Variants in BMPR2 observed in about 807,000 individuals in gnomAD.
BMPR2 encodes bone morphogenetic protein receptor type-2.
Under a neutral mutation model 100.8 loss-of-function variants are expected in BMPR2, and 29 were observed. That is an observed-to-expected ratio of 0.29 (90% CI 0.21 to 0.39). The LOEUF (loss-of-function observed/expected upper bound fraction) is 0.39, where lower values mean the gene tolerates loss of function less well. Among genes scored for constraint, BMPR2 ranks in the 10% least tolerant of loss-of-function variants. The pLI is 1.00. For missense variants in BMPR2, 1,011 were observed against 1,274.5 expected (o/e 0.79, Z 3.15); for synonymous variants, 382 against 442.3 (o/e 0.86, Z 1.71).
intron 1 of BMPR2, among the ~76,000 whole-genome samples, chr2:202,460,211 T>G (rs1692199755): frequency 6.6e-6 from 1 of 152,212 alleles, no homozygotes; most frequent in Non-Finnish European, 1.5e-5. Context: ...GTATGTTTGT[T>G]GCAGCACTGT....
intron 1 of BMPR2, among the ~76,000 whole-genome samples, chr2:202,392,906 T>C (rs1690578322): frequency 6.7e-6 from 1 of 150,168 alleles, no homozygotes; most frequent in African/African-American, 2.5e-5. Flanking sequence ...GCAGGAGAAT[T>C]GCATGAACCC....
At chr2:202,413,823 C>T (rs574705040) in intron 1 of BMPR2, among the ~76,000 whole-genome samples, 108 of 152,150 alleles carry the variant, frequency 7.1e-4, no homozygotes, top group Non-Finnish European at 1.4e-3. Flanking sequence ...CACTGCCACG[C>T]CGCCAAATTT....
At chr2:202,538,443 C>G (rs1275804411) in intron 9 of BMPR2, among the ~76,000 whole-genome samples, 1 of 151,016 alleles carries the variant, frequency 6.6e-6, no homozygotes, top group African/African-American at 2.4e-5. Context: ...GGCAACAGAG[C>G]GAGACTCCAT....
chr2:202,385,165 G>A (rs1175876520), intron 1 of BMPR2, among the ~76,000 whole-genome samples: 1 of 151,620 alleles, frequency 6.6e-6, no homozygotes, highest in Non-Finnish European at 1.5e-5. Flanking sequence ...ATTAATCTGT[G>A]TTCAGTCTTT....
intron 3 of BMPR2, chr2:202,474,849 T>C (rs934819076): frequency 1.3e-5 from 2 of 152,148 alleles, no homozygotes; most frequent in Non-Finnish European, 2.9e-5. Flanking sequence ...CCTATAGTTT[T>C]GTATTGTTTG....
chr2:202,381,951 T>C (rs1690304352), intron 1 of BMPR2, among the ~76,000 whole-genome samples: 1 of 152,102 alleles, frequency 6.6e-6, no homozygotes, highest in Admixed American at 6.6e-5. Flanking sequence ...ATTAAAAAAA[T>C]ACTGAGTGGA....
intron 3 of BMPR2, among the ~76,000 whole-genome samples, chr2:202,493,953 C>T (rs1692965757): frequency 6.6e-6 from 1 of 152,014 alleles, no homozygotes. Flanking sequence ...AAATTTAAAC[C>T]AGTCTTTCAT....
chr2:202,448,965 T>TA lies in BMPR2; in HGVS notation c.77-15844_77-15843insA, dbSNP rs1559041919. ...TGTGTGTGTGTGTGTGTGTGTGTATTTTTTGTTTTAATCAGCTTTTGCTTG... is the reference window on the plus strand; with the variant it reads ...TGTGTGTGTGTGTGTGTGTGTGTATTATTTTGTTTTAATCAGCTTTTGCTTG... On this transcript the variant is annotated intron_variant, in intron 1 of 12. Transcript: ENST00000374580. Among the ~76,000 whole-genome samples the TA allele has an allele frequency of 8.5e-5, 12 of 141,926 alleles. No individual in the cohort carries two copies. The East Asian group carries it at 2.5e-3, about 29-fold the overall frequency. 93.1% of individuals were successfully genotyped at this position (141,926 alleles called of 152,430 possible). A position where few individuals can be genotyped will look rare whatever the true frequency, so the allele number is the denominator to read the frequency against.
intron 9 of BMPR2, among the ~76,000 whole-genome samples, chr2:202,537,770 G>A (rs1688189889): frequency 2.0e-5 from 3 of 152,136 alleles, no homozygotes; most frequent in Admixed American, 2.0e-4. Context: ...AATGGGGAGA[G>A]GCAAATCTGG....
rs186268785 is a variant in BMPR2 at position 202,559,070 on chromosome 2, C to T, written c.2867-626C>T. ...ATCCCAGCACTTAGGGAGGCTGAGT[C>T]GGGCACATTGCCTGAGCTCAGGAGT... On this transcript the variant is annotated intron_variant, in intron 12 of 12. Transcript: ENST00000374580. Among the ~76,000 whole-genome samples, 43 of 152,052 alleles carry T rather than the reference C, an allele frequency of 2.8e-4. No individual in the cohort carries two copies. The East Asian group carries it at 7.5e-3, about 27-fold the overall frequency.
intron 1 of BMPR2, among the ~76,000 whole-genome samples, chr2:202,431,023 T>A: frequency 6.6e-6 from 1 of 150,496 alleles, no homozygotes; most frequent in East Asian, 1.9e-4. Context: ...ATTAAAAACT[T>A]TAGAAAGAAT....
In BMPR2 at chr2:202,489,614, C is replaced by G. The variant is rs1051312043; in HGVS notation, c.418+21925C>G. Among the ~76,000 whole-genome samples, 5 of 152,060 alleles carry G rather than the reference C, an allele frequency of 3.3e-5. No homozygotes were observed. The East Asian group carries it at 7.7e-4, about 23-fold the overall frequency. On this transcript the variant is annotated intron_variant, in intron 3 of 12. Transcript: ENST00000374580. ...CTTTAGGAATATTACATATCTTACC[C>G]CACAAAACAACTGAAGTGCTGTGTT...
chr2:202,550,434 T>C (rs1688456783), intron 10 of BMPR2, among the ~76,000 whole-genome samples: 1 of 151,482 alleles, frequency 6.6e-6, no homozygotes, highest in Admixed American at 6.6e-5. Context: ...CCCAGGCTTG[T>C]CTTGAACTCA....
intron 1 of BMPR2, among the ~76,000 whole-genome samples, chr2:202,391,473 T>A (rs922610116): frequency 7.1e-6 from 1 of 140,696 alleles, no homozygotes; most frequent in African/African-American, 2.7e-5. Context: ...CCCGGCTAAT[T>A]TTTTTATTTT....
Position 202,503,952 on chromosome 2 carries a change from G to C in BMPR2, c.419-9767G>C, listed in dbSNP as rs546900106. 2.4e-4 allele frequency among the ~76,000 whole-genome samples: 37 copies of C among 152,172 alleles called. No homozygotes were observed. Among genetic ancestry groups the C allele is most frequent in the Non-Finnish European group, 4.7e-4 (32 of 68,026 alleles). ...TACACCAATCAGCACCCTGTGTCTA[G>C]CTCAGGGTTTGTGAATGCACCAGTA... On this transcript the variant is annotated intron_variant, in intron 3 of 12. Coordinates refer to ENST00000374580, the MANE Select transcript of BMPR2 (RefSeq NM_001204.7). The surrounding 1 kb of genome is among the most constrained non-coding windows in gnomAD (Gnocchi z 4.0).
At chr2:202,390,333 G>GTTT (rs374406877) in intron 1 of BMPR2, among the ~76,000 whole-genome samples, 1 of 132,544 alleles carries the variant, frequency 7.5e-6, no homozygotes, top group Non-Finnish European at 1.6e-5. Flanking sequence ...TTTCTTTCGT[G>GTTT]TTTTTTTTTT....
intron 1 of BMPR2, among the ~76,000 whole-genome samples, chr2:202,399,809 G>T (rs758455355): frequency 2.0e-5 from 3 of 152,150 alleles, no homozygotes; most frequent in Non-Finnish European, 2.9e-5. Flanking sequence ...AGACTCTTTG[G>T]ATTTAGAGTG....
At chr2:202,450,559 C>T (rs549899877) in intron 1 of BMPR2, among the ~76,000 whole-genome samples, 14 of 151,952 alleles carry the variant, frequency 9.2e-5, no homozygotes, top group Admixed American at 2.0e-4. Flanking sequence ...GGCATGGTGG[C>T]GCATGCCTAT....
Position 202,383,678 on chromosome 2 carries a change from A to G in BMPR2, c.76+6128A>G, listed in dbSNP as rs1246615577. On this transcript the variant is annotated intron_variant, in intron 1 of 12. Transcript: ENST00000374580. ...AACAAGAGCGAAACTCTGTCAAAAA[A>G]AAAAAAAAAAGAAAAAAACAAAATT... 2.0e-5 allele frequency among the ~76,000 whole-genome samples: 3 copies of G among 151,666 alleles called. No individual in the cohort carries two copies. The East Asian group carries it at 5.8e-4, about 29-fold the overall frequency.
Sources: allele counts gnomAD v4.1 joint callset (sites outside exome capture counted in the v4.1 genomes callset), GRCh38; gene constraint gnomAD v4.1.1; non-coding constraint Gnocchi (gnomAD v3.1); transcripts MANE v1.5; gene names NCBI Gene and HGNC (gene_info 2026-07-23, HGNC 2026-07-21).